Variants in XPR1 observed in about 807,000 individuals in gnomAD.
XPR1 encodes xenotropic and polytropic retrovirus receptor 1.
In XPR1, 28 loss-of-function variants were observed where a neutral mutation model predicts 87.5. That is an observed-to-expected ratio of 0.32 (90% CI 0.24 to 0.44). The LOEUF is 0.44. Ranked by LOEUF, XPR1 falls within the 20% of genes least tolerant of loss-of-function variation. The pLI is 1.00. For synonymous variants in XPR1, 300 were observed against 306.1 expected, an observed-to-expected ratio of 0.98 and a Z score of 0.21; for missense variants, 559 against 862.3, an observed-to-expected ratio of 0.65 and a Z score of 4.41.
intron 2 of XPR1, among the ~76,000 whole-genome samples, chr1:180,741,084 C>G (rs1480031503): frequency 6.6e-6 from 1 of 151,744 alleles, no homozygotes; most frequent in Non-Finnish European, 1.5e-5. Flanking sequence ...ATACCTCCTT[C>G]TATTTTCTGA....
chr1:180,676,595 A>G (rs1656376549), intron 1 of XPR1, among the ~76,000 whole-genome samples: 1 of 152,208 alleles, frequency 6.6e-6, no homozygotes, highest in African/African-American at 2.4e-5. Context: ...GAGGACTTTA[A>G]TATAAAATTC....
At chr1:180,861,808 G>C (rs1247970448) in intron 11 of XPR1, among the ~76,000 whole-genome samples, 1 of 151,986 alleles carries the variant, frequency 6.6e-6, no homozygotes, top group Non-Finnish European at 1.5e-5. Flanking sequence ...TTGATTCCTA[G>C]TGTTTGCTGA....
At chr1:180,776,167 T>TAA (rs1648707575) in intron 2 of XPR1, among the ~76,000 whole-genome samples, 1 of 150,510 alleles carries the variant, frequency 6.6e-6, no homozygotes, top group African/African-American at 2.4e-5. Context: ...AAGACTTAAT[T>TAA]GTAAGCTTAT....
intron 2 of XPR1, among the ~76,000 whole-genome samples, chr1:180,767,854 T>C (rs1049546234): frequency 6.6e-6 from 1 of 152,114 alleles, no homozygotes; most frequent in Non-Finnish European, 1.5e-5. Context: ...AGAAACTTTT[T>C]TTTTTTTTGA....
chr1:180,855,309 T>C (rs1429347119), intron 11 of XPR1, among the ~76,000 whole-genome samples: 1 of 152,190 alleles, frequency 6.6e-6, no homozygotes, highest in Non-Finnish European at 1.5e-5. Context: ...TTCTAAACTT[T>C]AATGTATTTT....
intron 2 of XPR1, among the ~76,000 whole-genome samples, chr1:180,721,010 A>T (rs1658164236): frequency 6.6e-6 from 1 of 152,104 alleles, no homozygotes; most frequent in African/African-American, 2.4e-5. Context: ...TGAAGCAGGC[A>T]GATCACTTGA....
At chr1:180,779,278 G>A (rs1479157857) in intron 2 of XPR1, among the ~76,000 whole-genome samples, 2 of 152,088 alleles carry the variant, frequency 1.3e-5, no homozygotes, top group Non-Finnish European at 2.9e-5. Context: ...GTTTACTTGT[G>A]TAGATTTCTT....
intron 7 of XPR1, among the ~76,000 whole-genome samples, chr1:180,814,541 G>A (rs1409089388): frequency 6.6e-6 from 1 of 152,126 alleles, no homozygotes; most frequent in Admixed American, 6.6e-5. Context: ...TCTGTTAAAT[G>A]AGCTTAACAC....
At chr1:180,758,566 G>A (rs1647855268) in intron 2 of XPR1, among the ~76,000 whole-genome samples, 1 of 152,052 alleles carries the variant, frequency 6.6e-6, no homozygotes, top group African/African-American at 2.4e-5. Context: ...AAATTAGCCA[G>A]GCATGGTGGC....
At chr1:180,860,310 C>G (rs915993416) in intron 11 of XPR1, among the ~76,000 whole-genome samples, 8 of 152,090 alleles carry the variant, frequency 5.3e-5, no homozygotes, top group Admixed American at 2.6e-4. Flanking sequence ...GAAAGATTTT[C>G]ATAAAGTTAA....
At chr1:180,645,629 C>T (rs1231085587) in intron 1 of XPR1, among the ~76,000 whole-genome samples, 1 of 152,188 alleles carries the variant, frequency 6.6e-6, no homozygotes, top group Non-Finnish European at 1.5e-5. Context: ...AGTGATCTAC[C>T]TTTAGAAAGC....
intron 11 of XPR1, among the ~76,000 whole-genome samples, chr1:180,851,921 T>C (rs765037742): frequency 5.9e-5 from 9 of 151,876 alleles, no homozygotes; most frequent in Admixed American, 5.3e-4. Flanking sequence ...GAAATTACTT[T>C]CTTGATTACA....
At chr1:180,787,933 A>G (rs1215276880) in intron 3 of XPR1, 79 bp downstream of exon 3, 5 of 1,069,534 alleles carry the variant, frequency 4.7e-6, no homozygotes, top group African/African-American at 1.6e-5. Flanking sequence ...CTTCTGATCA[A>G]TGTTTTTAAA....
intron 2 of XPR1, among the ~76,000 whole-genome samples, chr1:180,777,729 T>G (rs1421975291): frequency 6.6e-6 from 1 of 152,236 alleles, no homozygotes; most frequent in African/African-American, 2.4e-5. Context: ...TAAATCACAC[T>G]CTTAAAAAAA....
In XPR1 at chr1:180,806,510, C is replaced by G; in HGVS notation, c.634C>G (p.Gln212Glu). 1 of 1,613,322 alleles carries G rather than the reference C, an allele frequency of 6.2e-7. No individual in the cohort carries two copies. Among genetic ancestry groups the G allele is most frequent in the Non-Finnish European group, 8.5e-7 (1 of 1,179,500 alleles). ...VTNELEDGDR[Q>E]KAMKRLRVPP... ...CAATGAACTTGAAGATGGTGACAGA[C>G]AAAAGGCTATGAAGCGTTTACGTGT... Residue 212 changes from glutamine (Q) to glutamate (E), a missense_variant, in exon 6 of 15, where the codon CAA (glutamine) becomes GAA (glutamate). Gln to Glu is a conservative substitution (Grantham distance 29). Coordinates refer to ENST00000367590, the MANE Select transcript of XPR1 (RefSeq NM_004736.4).
chr1:180,852,409 G>A (rs535669694), intron 11 of XPR1, among the ~76,000 whole-genome samples: 2 of 151,542 alleles, frequency 1.3e-5, no homozygotes, highest in Non-Finnish European at 2.9e-5. Context: ...GATCCCCCCT[G>A]TTGCCTTTTT....
At chr1:180,632,493 G>A (rs545838448) in intron 1 of XPR1, among the ~76,000 whole-genome samples, 33 of 152,296 alleles carry the variant, frequency 2.2e-4, no homozygotes, top group African/African-American at 7.9e-4. Context: ...TAACGGATAT[G>A]CAGGCGGAGG....
chr1:180,778,831 A>T (rs937921842), intron 2 of XPR1, among the ~76,000 whole-genome samples: 1 of 152,186 alleles, frequency 6.6e-6, no homozygotes, highest in African/African-American at 2.4e-5. Flanking sequence ...TTGCTATTTT[A>T]AAATTATCAT....
At position 180,726,560 on chromosome 1, in the gene XPR1, C is replaced by T. The variant is rs921660904; in HGVS notation, c.121+44149C>T. Among the ~76,000 whole-genome samples, 15 of 152,334 alleles carry T rather than the reference C, an allele frequency of 9.8e-5. No homozygotes were observed. In the East Asian group the frequency reaches 2.7e-3, roughly 27 times the overall value. ...TTATCAAAGTGTTATCCATTCACCCCTCTTGGGGTCCCTGAGACTGAAAAC... is the reference window on the plus strand; with the variant it reads ...TTATCAAAGTGTTATCCATTCACCCTTCTTGGGGTCCCTGAGACTGAAAAC... On this transcript the variant is annotated intron_variant, in intron 2 of 14. Coordinates refer to ENST00000367590, the MANE Select transcript of XPR1 (RefSeq NM_004736.4).
Sources: gnomAD v4.1 joint callset for allele counts (sites outside exome capture counted in the v4.1 genomes callset) on GRCh38, gnomAD v4.1.1 for gene constraint, MANE v1.5 for transcripts, NCBI Gene and HGNC (gene_info 2026-07-23, HGNC 2026-07-21) for gene names.